The following MEGF11 variants were observed in gnomAD, a reference collection of about 807,000 sequenced individuals.
The protein encoded by MEGF11 is multiple epidermal growth factor-like domains protein 11.
Under a neutral mutation model 146.6 loss-of-function variants are expected in MEGF11, and 126 were observed. That is an observed-to-expected ratio of 0.86 (90% CI 0.74 to 1.00). The LOEUF (loss-of-function observed/expected upper bound fraction) is 1.00, where lower values mean the gene tolerates loss of function less well. MEGF11 is among the 50% of genes least tolerant of loss of function. The pLI, the probability that MEGF11 is intolerant of heterozygous loss-of-function variation, is 0.00. For missense variants in MEGF11, 1,509 were observed against 1,521.2 expected (o/e 0.99, Z 0.13); for synonymous variants, 532 against 583.4 (o/e 0.91, Z 1.27).
intron 1 of MEGF11, among the ~76,000 whole-genome samples, chr15:66,168,723 C>T (rs2090165901): frequency 6.6e-6 from 1 of 152,144 alleles, no homozygotes; most frequent in South Asian, 2.1e-4. Flanking sequence ...GCCTGCAATC[C>T]CAGCACTTTG....
chr15:65,933,927 C>T (rs1429983034), intron 10 of MEGF11, among the ~76,000 whole-genome samples: 1 of 152,140 alleles, frequency 6.6e-6, no homozygotes, highest in Non-Finnish European at 1.5e-5. Context: ...TAGAATAGTG[C>T]CTGATGGGTA....
chr15:65,957,650 G>C lies in MEGF11; in HGVS notation c.1184C>G (p.Pro395Arg), dbSNP rs770076883. ...GCAGCCATCGCCATAGTAGCCAACA[G>C]GGCAGGATTCATTGCAGTGGTGACC... ...WSGHHCNESC[P>R]VGYYGDGCQL... The change falls in exon 10 of 26, where the codon CCT (proline) becomes CGT (arginine). Residue 395 changes from proline (P) to arginine (R), a missense_variant. By Grantham distance (103) the Pro-to-Arg change is moderately radical. Transcript: ENST00000395614. 1.5e-5 allele frequency: 24 copies of C among 1,613,898 alleles called. No individual in the cohort carries two copies. The highest frequency in any genetic ancestry group is 2.0e-5 in the Non-Finnish European group (24 of 1,179,914).
chr15:66,052,203 G>C (rs764902525), intron 5 of MEGF11, among the ~76,000 whole-genome samples: 1 of 152,138 alleles, frequency 6.6e-6, no homozygotes, highest in Non-Finnish European at 1.5e-5. Context: ...TCCCTGCAAC[G>C]GGCTCATCAC....
chr15:66,146,576 GC>G (rs1347799520), intron 1 of MEGF11, among the ~76,000 whole-genome samples: 12 of 152,242 alleles, frequency 7.9e-5, no homozygotes, highest in Admixed American at 3.9e-4. Flanking sequence ...CACCACGCAC[GC>G]CGACACCTCC....
intron 13 of MEGF11, among the ~76,000 whole-genome samples, chr15:65,924,376 G>C (rs569315159): frequency 7.2e-5 from 10 of 138,686 alleles, no homozygotes; most frequent in Non-Finnish European, 1.1e-4. Flanking sequence ...GTGTGGGTGG[G>C]GGGGGGGGCA....
chr15:66,190,718 G>A (rs541011219), intron 1 of MEGF11, among the ~76,000 whole-genome samples: 13 of 152,004 alleles, frequency 8.6e-5, no homozygotes, highest in Admixed American at 2.0e-4. Flanking sequence ...CCTCCCTGGC[G>A]CCTCCATTCA....
chr15:66,246,726 G>A (rs374524682), intron 1 of MEGF11, among the ~76,000 whole-genome samples: 1 of 152,252 alleles, frequency 6.6e-6, no homozygotes, highest in East Asian at 1.9e-4. Flanking sequence ...TGGGAGAATC[G>A]TTTGACCCAA....
chr15:65,953,877 A>G (rs946077678), intron 10 of MEGF11, among the ~76,000 whole-genome samples: 3 of 152,070 alleles, frequency 2.0e-5, no homozygotes, highest in African/African-American at 4.8e-5. Context: ...CTACTTCATC[A>G]GCACTCCTCA....
chr15:65,922,963 C>T lies in MEGF11; in HGVS notation c.1682G>A (p.Arg561His), dbSNP rs144721492. Residue 561 changes from arginine to histidine, a missense_variant, in exon 14 of 26, where the codon CGC (arginine) becomes CAC (histidine). Coordinates refer to ENST00000395614, the MANE Select transcript of MEGF11 (RefSeq NM_001385028.1). Reference sequence around the variant, plus strand: ...GCCAGGTGGACACGTGCTGTCACAGCGGATGCCTGTGGGCCAGAGGCAGAC... The same window carrying T: ...GCCAGGTGGACACGTGCTGTCACAGTGGATGCCTGTGGGCCAGAGGCAGAC... ...CCCLAGWTGI[R>H]CDSTCPPGRW... The T allele has an allele frequency of 5.4e-5, 87 of 1,612,110 alleles. No individual in the cohort carries two copies. Among genetic ancestry groups the T allele is most frequent in the Middle Eastern group, 1.7e-4 (1 of 6,042 alleles).
intron 7 of MEGF11, 175 bp from the exon 8 acceptor site, chr15:65,970,864 G>T: frequency 1.5e-6 from 1 of 659,984 alleles, no homozygotes; most frequent in Non-Finnish European, 2.6e-6. Flanking sequence ...GGAGACTGAG[G>T]CCAACTTGCT....
intron 5 of MEGF11, among the ~76,000 whole-genome samples, chr15:65,986,425 T>C (rs1425538639): frequency 1.3e-5 from 2 of 152,196 alleles, no homozygotes; most frequent in Non-Finnish European, 2.9e-5. Context: ...CAATTTAGAA[T>C]ATTCTGATTA....
At chr15:65,992,755 C>A (rs2082094072) in intron 5 of MEGF11, among the ~76,000 whole-genome samples, 1 of 151,580 alleles carries the variant, frequency 6.6e-6, no homozygotes, top group Admixed American at 6.6e-5. Context: ...GTGTGAGAGA[C>A]TTTGCAGGTA....
At chr15:65,910,647 G>A (rs1357176625) in intron 21 of MEGF11, among the ~76,000 whole-genome samples, 1 of 152,212 alleles carries the variant, frequency 6.6e-6, no homozygotes, top group Non-Finnish European at 1.5e-5. Context: ...GAGGCTGAGA[G>A]TGGCCTTGGG....
At chr15:65,918,467 A>G (rs931662118) in intron 15 of MEGF11, among the ~76,000 whole-genome samples, 7 of 152,324 alleles carry the variant, frequency 4.6e-5, no homozygotes, top group African/African-American at 1.2e-4. Flanking sequence ...TCTGCTTTCT[A>G]TTACCACTTT....
chr15:66,218,978 G>GAAAAAAAAAA (rs1288273977), intron 1 of MEGF11, among the ~76,000 whole-genome samples: 1 of 22,584 alleles, frequency 4.4e-5, no homozygotes, highest in Non-Finnish European at 9.1e-5. Context: ...ATATCCACAG[G>GAAAAAAAAAA]CAAAAAAAAA....
Position 66,119,079 on chromosome 15 carries a change from T to G in MEGF11, c.301+7A>C, listed in dbSNP as rs1567250248. ...CTGAGGGCAGAACAGCAGCAGCCCCTACATACGTATGCAGAAGTCTCCGCT... is the reference window on the plus strand; with the variant it reads ...CTGAGGGCAGAACAGCAGCAGCCCCGACATACGTATGCAGAAGTCTCCGCT... On this transcript the variant is annotated splice_region_variant and intron_variant, in intron 4 of 25. Transcript: ENST00000395614. 1 of 1,464,528 alleles carries G rather than the reference T, an allele frequency of 6.8e-7. No homozygotes were observed. The highest frequency in any genetic ancestry group is 2.8e-5 in the East Asian group (1 of 35,998). The allele number at this position is 1,464,528 out of a possible 1,614,324, so 90.7% of individuals were successfully genotyped here.
At chr15:66,132,388 C>A (rs1206338434) in intron 1 of MEGF11, among the ~76,000 whole-genome samples, 1 of 152,266 alleles carries the variant, frequency 6.6e-6, no homozygotes, top group African/African-American at 2.4e-5. Flanking sequence ...ACCTGCTTCA[C>A]TTCCACCACT....
At chr15:65,989,434 T>C (rs2081966189) in intron 5 of MEGF11, among the ~76,000 whole-genome samples, 1 of 152,190 alleles carries the variant, frequency 6.6e-6, no homozygotes, top group African/African-American at 2.4e-5. Context: ...GAAAGGTCTG[T>C]GGCCCCCAAT....
chr15:66,108,872 C>A (rs1056134937), intron 4 of MEGF11, among the ~76,000 whole-genome samples: 7 of 152,228 alleles, frequency 4.6e-5, no homozygotes, highest in Admixed American at 4.6e-4. Context: ...AGGGTAGCCA[C>A]TTCATGGGCT....
Sources: gnomAD v4.1 joint callset for allele counts (sites outside exome capture counted in the v4.1 genomes callset) on GRCh38, gnomAD v4.1.1 for gene constraint, MANE v1.5 for transcripts, NCBI Gene and HGNC (gene_info 2026-07-23, HGNC 2026-07-21) for gene names.